The following EPHA8 variants were observed in gnomAD, a reference collection of about 807,000 sequenced individuals.
EPHA8 encodes ephrin type-A receptor 8.
In EPHA8, 58 loss-of-function variants were observed where a neutral mutation model predicts 103.6. The ratio of observed to expected loss-of-function variants is 0.56; its 90% CI spans 0.45 to 0.70. The LOEUF (loss-of-function observed/expected upper bound fraction) is 0.70, where lower values mean the gene tolerates loss of function less well. Ranked by LOEUF, EPHA8 falls within the 30% of genes least tolerant of loss-of-function variation. The pLI is 0.00. For synonymous variants in EPHA8, 559 were observed against 572.5 expected (o/e 0.98, Z 0.34); for missense variants, 1,304 against 1,395.2 (o/e 0.93, Z 1.04).
intron 3 of EPHA8, among the ~76,000 whole-genome samples, chr1:22,585,104 G>C (rs1191526049): frequency 1.3e-5 from 2 of 151,624 alleles, no homozygotes; most frequent in Non-Finnish European, 2.9e-5. Context: ...AATCTTAAAA[G>C]AGGAGCTCAG....
At chr1:22,578,047 ATG>A (rs1397843944) in intron 3 of EPHA8, among the ~76,000 whole-genome samples, 59 of 42,852 alleles carry the variant, frequency 1.4e-3, no homozygotes, top group Admixed American at 2.0e-3. Flanking sequence ...ATGTATGTGC[ATG>A]TGTGTGCATG....
rs562991590 is a variant in EPHA8 at position 22,598,326 on chromosome 1, C to T, written c.2178+114C>T. 1.3e-5 allele frequency: 14 copies of T among 1,056,276 alleles called. No individual in the cohort carries two copies. Among genetic ancestry groups the T allele is most frequent in the East Asian group, 9.7e-5 (4 of 41,374 alleles). The allele number at this position is 1,056,276 out of a possible 1,614,324, so 65.4% of individuals were successfully genotyped here. A position where few individuals can be genotyped will look rare whatever the true frequency, so the allele number is the denominator to read the frequency against. On this transcript the variant is annotated intron_variant, in intron 12 of 16. Transcript: ENST00000166244. The surrounding 1 kb of genome is among the most constrained non-coding windows in gnomAD (Gnocchi z 5.1). ...CCTCCCTGGCTTGGACACCACAGGC[C>T]GGGGGACAGGAGGCAGGTATAGGGA... is the stretch of plus-strand genomic sequence containing the variant.
intron 3 of EPHA8, among the ~76,000 whole-genome samples, chr1:22,586,191 A>T (rs1641200234): frequency 6.6e-6 from 1 of 152,044 alleles, no homozygotes; most frequent in Admixed American, 6.5e-5. Flanking sequence ...AGGGCTGGGG[A>T]ATTTGGAGAT....
In EPHA8 at chr1:22,595,314, G is replaced by T. The variant is rs1641488103; in HGVS notation, c.1688G>T (p.Cys563Phe). 1 of 1,613,026 alleles carries T rather than the reference G, an allele frequency of 6.2e-7. No individual in the cohort carries two copies. Among genetic ancestry groups the T allele is most frequent in the Admixed American group, 1.7e-5 (1 of 59,936 alleles). The change falls in exon 8 of 17, where the codon TGC becomes TTC. Residue 563 changes from cysteine to phenylalanine, a missense_variant. Cys to Phe is a radical substitution (Grantham distance 205). Coordinates refer to ENST00000166244, the MANE Select transcript of EPHA8 (RefSeq NM_020526.5). ...GLVVLLLLLI[C>F]KKRHCGYSKA... ...GTGGTGCTTCTGCTCCTGCTCATCT[G>T]CAAGAAGAGGTGGGTGGTCTGGCCC...
chr1:22,568,638 G>T (rs1640437094), intron 1 of EPHA8, among the ~76,000 whole-genome samples: 1 of 152,222 alleles, frequency 6.6e-6, no homozygotes, highest in African/African-American at 2.4e-5. Flanking sequence ...GCACATAGTG[G>T]GTGCCCACTA....
Position 22,569,811 on chromosome 1 carries a change from C to T in EPHA8, c.159+458C>T, listed in dbSNP as rs1005476601. 6.6e-5 allele frequency among the ~76,000 whole-genome samples: 10 copies of T among 152,168 alleles called. No individual in the cohort carries two copies. Among genetic ancestry groups the T allele is most frequent in the African/African-American group, 1.9e-4 (8 of 41,426 alleles). On this transcript the variant is annotated intron_variant, in intron 2 of 16. Transcript: ENST00000166244. This position sits in a 1 kb window ranked among gnomAD's most constrained non-coding sequence, Gnocchi z 4.5. ...CAGACTCTGGACTCAGCCTTCAGGTCGCTGTGGGTCATGTGCTCACAGGCC... is the reference window on the plus strand; with the variant it reads ...CAGACTCTGGACTCAGCCTTCAGGTTGCTGTGGGTCATGTGCTCACAGGCC...
chr1:22,578,136 ATG>A lies in EPHA8; in HGVS notation c.823+1262_823+1263del, dbSNP rs200253380. The stretch of plus-strand genomic sequence containing the variant: ...TGTGCGTGAGTGTATGCATGTGTGC[ATG>A]TGTGTATGTGTGCGTGTGTGCATGA... On this transcript the variant is annotated intron_variant, in intron 3 of 16. Coordinates refer to ENST00000166244, the MANE Select transcript of EPHA8 (RefSeq NM_020526.5). Among the ~76,000 whole-genome samples the A allele has an allele frequency of 5.7e-3, 390 of 68,864 alleles. 4 individuals carry two copies. The highest frequency in any genetic ancestry group is 8.9e-3 in the Middle Eastern group (1 of 112). 45.2% of individuals were successfully genotyped at this position (68,864 alleles called of 152,430 possible).
At position 22,563,741 on chromosome 1, in the gene EPHA8, C is replaced by CGGCGG. The variant is rs1256187661; in HGVS notation, c.94+21_94+25dup. Reference sequence around the variant, plus strand: ...GGCGCGCGGCGAAGGTGAGCGGCGGCGGCGGGGCGGGGCAGGGGCGGCCGA... The same window carrying CGGCGG: ...GGCGCGCGGCGAAGGTGAGCGGCGGCGGCGGGGCGGGGCGGGGCAGGGGCGGCCGA... On this transcript the variant is annotated intron_variant, in intron 1 of 16. Coordinates refer to ENST00000166244, the MANE Select transcript of EPHA8 (RefSeq NM_020526.5). This position sits in a 1 kb window ranked among gnomAD's most constrained non-coding sequence, Gnocchi z 4.4. 6.8e-6 allele frequency: 1 copy of CGGCGG among 147,296 alleles called. No homozygotes were observed. The highest frequency in any genetic ancestry group is 2.5e-5 in the African/African-American group (1 of 40,748). 9.1% of individuals were successfully genotyped at this position (147,296 alleles called of 1,614,324 possible). A position where few individuals can be genotyped will look rare whatever the true frequency, so the allele number is the denominator to read the frequency against.
rs759159367 is a variant in EPHA8, at chr1:22,601,089, G to A, written c.2729+1G>A. On this transcript the variant is annotated splice_donor_variant, in intron 15 of 16. Coordinates refer to ENST00000166244, the MANE Select transcript of EPHA8 (RefSeq NM_020526.5). LOFTEE classifies it high-confidence loss of function. ...TCAGGGCCACCGCCACAGTCAGCAG[G>A]TGCCTTGTGCCCACCCCAGCTCCTT... The A allele has an allele frequency of 6.2e-6, 10 of 1,600,748 alleles. No individual in the cohort carries two copies. Among genetic ancestry groups the A allele is most frequent in the Admixed American group, 1.7e-5 (1 of 59,196 alleles).
intron 4 of EPHA8, among the ~76,000 whole-genome samples, chr1:22,587,378 G>A (rs955107502): frequency 6.6e-6 from 1 of 152,206 alleles, no homozygotes; most frequent in African/African-American, 2.4e-5. Context: ...AGGGTGTCTT[G>A]TGAGCTCAGC....
At chr1:22,600,344 AAGG>A (rs1023267250) in intron 13 of EPHA8, among the ~76,000 whole-genome samples, 3 of 143,648 alleles carry the variant, frequency 2.1e-5, no homozygotes, top group African/African-American at 8.4e-5. Flanking sequence ...AGGGAGGAGA[AAGG>A]AGAAGGAAGT....
rs1237509948 is a variant in EPHA8, at chr1:22,595,249, G to A, written c.1623G>A (p.Arg541=). 1.2e-6 allele frequency: 2 copies of A among 1,613,356 alleles called. No individual in the cohort carries two copies. The highest frequency in any genetic ancestry group is 2.7e-5 in the African/African-American group (2 of 74,906). ...CTGCAGGGCCCCGCTATGACACCAG[G>A]ACCATTGTCTGGATCTGCCTGACGC... ...TGKPRPRYDT[R]TIVWICLTLI... The change falls in exon 8 of 17, where the codon AGG becomes AGA. Residue 541 remains arginine (R), a synonymous_variant. Coordinates refer to ENST00000166244, the MANE Select transcript of EPHA8 (RefSeq NM_020526.5).
Position 22,589,403 on chromosome 1 carries a change from T to A in EPHA8, c.1315+197T>A, listed in dbSNP as rs774143169. 1.6e-5 allele frequency: 24 copies of A among 1,510,072 alleles called. No individual in the cohort carries two copies. Among genetic ancestry groups the A allele is most frequent in the Non-Finnish European group, 2.0e-5 (23 of 1,135,612 alleles). 93.5% of individuals were successfully genotyped at this position (1,510,072 alleles called of 1,614,324 possible). The stretch of plus-strand genomic sequence containing the variant: ...AGAAAAGTGGAACACATTCTATAAG[T>A]AAGAGAAATCCCAAAAGCTCAGAGG... On this transcript the variant is annotated intron_variant, in intron 5 of 16. Coordinates refer to ENST00000166244, the MANE Select transcript of EPHA8 (RefSeq NM_020526.5). This position sits in a 1 kb window ranked among gnomAD's most constrained non-coding sequence, Gnocchi z 4.3.
Position 22,601,740 on chromosome 1 carries a change from G to C in EPHA8, c.3017G>C (p.Ter1006SerextTer44). The change falls in exon 17 of 17, where the codon TGA becomes TCA. Residue 1006 changes from the stop codon to serine, a stop_lost. Coordinates refer to ENST00000166244, the MANE Select transcript of EPHA8 (RefSeq NM_020526.5). The part of the protein sequence containing the change: ...TSTQGPRRHL[*>S] ...ACCCAGGGGCCCCGCCGGCACCTCT[G>C]ATGTACAGCCAGCAGGGCCCAGGCA... The C allele has an allele frequency of 1.3e-6, 2 of 1,556,934 alleles. No homozygotes were observed. The highest frequency in any genetic ancestry group is 1.7e-6 in the Non-Finnish European group (2 of 1,150,688).
At position 22,569,441 on chromosome 1, in the gene EPHA8, G is replaced by T. The variant is rs970378113; in HGVS notation, c.159+88G>T. ...AGAGTCTGCATGAGATAGATCAAAA[G>T]GAAGCAGAGGCCCAGAGAGGTCAAG... On this transcript the variant is annotated intron_variant, in intron 2 of 16. Coordinates refer to ENST00000166244, the MANE Select transcript of EPHA8 (RefSeq NM_020526.5). The surrounding 1 kb of genome is among the most constrained non-coding windows in gnomAD (Gnocchi z 4.5). 2.9e-6 allele frequency: 4 copies of T among 1,401,170 alleles called. No homozygotes were observed. The highest frequency in any genetic ancestry group is 2.4e-5 in the East Asian group (1 of 41,048). 86.8% of individuals were successfully genotyped at this position (1,401,170 alleles called of 1,614,324 possible).
Position 22,569,222 on chromosome 1 carries a change from AG to A in EPHA8, c.95-65del. On this transcript the variant is annotated intron_variant, in intron 1 of 16. Coordinates refer to ENST00000166244, the MANE Select transcript of EPHA8 (RefSeq NM_020526.5). The surrounding 1 kb of genome is among the most constrained non-coding windows in gnomAD (Gnocchi z 4.5). ...GAGTGTGGACCAGTGTAGCTGGGTCAGGCTGCTCTTGAGGAGCTGGGGAGAA... is the reference window on the plus strand; with the variant it reads ...GAGTGTGGACCAGTGTAGCTGGGTCAGCTGCTCTTGAGGAGCTGGGGAGAA... 6.5e-7 allele frequency: 1 copy of A among 1,538,006 alleles called. No homozygotes were observed.
intron 5 of EPHA8, among the ~76,000 whole-genome samples, 170 bp from the exon 6 acceptor site, chr1:22,593,156 G>T (rs550522295): frequency 6.6e-6 from 1 of 152,198 alleles, no homozygotes; most frequent in African/African-American, 2.4e-5. Flanking sequence ...GTGGCCACCA[G>T]CGATTTGTTG....
chr1:22,600,620 C>A, intron 13 of EPHA8, 41 bp from the exon 14 acceptor site: 1 of 1,606,224 alleles, frequency 6.2e-7, no homozygotes. Context: ...GACACCCTGC[C>A]AGGCCTGGGC....
intron 1 of EPHA8, among the ~76,000 whole-genome samples, chr1:22,566,973 C>T (rs1183745024): frequency 2.6e-5 from 4 of 152,104 alleles, no homozygotes; most frequent in African/African-American, 9.7e-5. Context: ...TTCCTGAGTC[C>T]GATAGAATTG....
Sources: gnomAD v4.1 joint callset for allele counts (sites outside exome capture counted in the v4.1 genomes callset) on GRCh38, gnomAD v4.1.1 for gene constraint, Gnocchi (gnomAD v3.1) non-coding constraint, MANE v1.5 for transcripts, NCBI Gene and HGNC (gene_info 2026-07-23, HGNC 2026-07-21) for gene names.